Variants in MOV10 observed in about 807,000 individuals in gnomAD.
MOV10 encodes the protein RNA helicase MOV-10.
MOV10 carries 39 observed loss-of-function variants against 108.4 expected under a neutral mutation model. The ratio of observed to expected loss-of-function variants is 0.36; its 90% CI spans 0.28 to 0.47. The LOEUF is 0.47. MOV10 is among the 20% of genes least tolerant of loss of function. The pLI is 1.00. For missense variants in MOV10, 952 were observed against 1,297.6 expected, an observed-to-expected ratio of 0.73 and a Z score of 4.09; for synonymous variants, 490 against 523.1, an observed-to-expected ratio of 0.94 and a Z score of 0.86.
At chr1:112,681,883 A>C (rs1357505598) in intron 2 of MOV10, among the ~76,000 whole-genome samples, 2 of 152,020 alleles carry the variant, frequency 1.3e-5, no homozygotes, top group Non-Finnish European at 2.9e-5. Flanking sequence ...CTAGAAATAA[A>C]AAAAAATTGT....
chr1:112,688,361 G>T, intron 2 of MOV10: 1 of 990,290 alleles, frequency 1.0e-6, no homozygotes, highest in Non-Finnish European at 1.2e-6. Flanking sequence ...TCTGGAGAAG[G>T]ATCCTTTCCC....
At chr1:112,691,618 G>T in intron 5 of MOV10, 47 bp from the exon 6 acceptor site, 1 of 1,601,192 alleles carries the variant, frequency 6.2e-7, no homozygotes, top group Non-Finnish European at 8.5e-7. Flanking sequence ...TTCTCAGAGT[G>T]TTGGAGGGTG....
chr1:112,679,571 A>G lies in MOV10; in HGVS notation c.137+4522A>G, dbSNP rs532440384. Among the ~76,000 whole-genome samples the G allele has an allele frequency of 3.9e-5, 6 of 152,152 alleles. No individual in the cohort carries two copies. In the South Asian group the frequency reaches 1.2e-3, roughly 32 times the overall value. ...AAGATCAGATTTGTGTTTGATGACA[A>G]TTCTGCAGATATAGGGGGTGGCCTA... On this transcript the variant is annotated intron_variant, in intron 2 of 20. Coordinates refer to ENST00000369645, the MANE Select transcript of MOV10 (RefSeq NM_001321324.2).
chr1:112,688,111 C>T (rs1321939661), intron 2 of MOV10, among the ~76,000 whole-genome samples: 1 of 152,058 alleles, frequency 6.6e-6, no homozygotes, highest in African/African-American at 2.4e-5. Flanking sequence ...ATGAGCTGCC[C>T]TCCAAGCACC....
chr1:112,682,749 T>G (rs1672761420), intron 2 of MOV10, among the ~76,000 whole-genome samples: 1 of 152,200 alleles, frequency 6.6e-6, no homozygotes, highest in Non-Finnish European at 1.5e-5. Flanking sequence ...TAAGGCAACT[T>G]TCACTTAGCG....
rs1360706931 is a variant in MOV10, at chr1:112,696,258, A to G, written c.1883+7A>G. The stretch of plus-strand genomic sequence containing the variant: ...CCCTCATCACTGCCGGCAGGTGGGG[A>G]GTGTGTGTGGGTGTGTCTCTGAATC... On this transcript the variant is annotated splice_region_variant and intron_variant, in intron 12 of 20. Coordinates refer to ENST00000369645, the MANE Select transcript of MOV10 (RefSeq NM_001321324.2). The G allele has an allele frequency of 6.3e-7, 1 of 1,589,772 alleles. No homozygotes were observed. The highest frequency in any genetic ancestry group is 8.6e-7 in the Non-Finnish European group (1 of 1,158,430).
rs754611538 is a variant in MOV10, at chr1:112,700,615, G to T, written c.*108G>T. ...TCCAAGGGACAGGAAGGCTGGGGGAGGGAGTTTACAACCCAAGCCATTCCA... is the reference window on the plus strand; with the variant it reads ...TCCAAGGGACAGGAAGGCTGGGGGATGGAGTTTACAACCCAAGCCATTCCA... On this transcript the variant is annotated 3_prime_UTR_variant, in exon 21 of 21. Transcript: ENST00000369645. The T allele has an allele frequency of 1.9e-6, 3 of 1,553,142 alleles. No individual in the cohort carries two copies. Among genetic ancestry groups the T allele is most frequent in the African/African-American group, 1.4e-5 (1 of 73,212 alleles).
chr1:112,678,600 A>G (rs1428167320), intron 2 of MOV10, among the ~76,000 whole-genome samples: 1 of 152,016 alleles, frequency 6.6e-6, no homozygotes, highest in Non-Finnish European at 1.5e-5. Context: ...GGAAAGTGAT[A>G]TTTGAGTAGA....
chr1:112,680,707 C>CTTT (rs1258934658), intron 2 of MOV10, among the ~76,000 whole-genome samples: 2 of 107,140 alleles, frequency 1.9e-5, no homozygotes, highest in Non-Finnish European at 3.6e-5. Flanking sequence ...TCATTTATCT[C>CTTT]TTTTTTTTTT....
Position 112,675,315 on chromosome 1 carries a change from G to GCCGGAAC in MOV10, c.137+271_137+277dup, listed in dbSNP as rs1672102175. Among the ~76,000 whole-genome samples, 1 of 152,070 alleles carries GCCGGAAC rather than the reference G, an allele frequency of 6.6e-6. No homozygotes were observed. Among genetic ancestry groups the GCCGGAAC allele is most frequent in the Non-Finnish European group, 1.5e-5 (1 of 67,982 alleles). On this transcript the variant is annotated intron_variant, in intron 2 of 20. Coordinates refer to ENST00000369645, the MANE Select transcript of MOV10 (RefSeq NM_001321324.2). This position sits in a 1 kb window ranked among gnomAD's most constrained non-coding sequence, Gnocchi z 4.7. ...TCCCGCGCTGCCCGCGCCCCCGGAG[G>GCCGGAAC]CCGGAACCCGGGGCCGGGAGCTGCG...
intron 2 of MOV10, among the ~76,000 whole-genome samples, chr1:112,681,418 C>A (rs1043384817): frequency 6.6e-6 from 1 of 152,020 alleles, no homozygotes; most frequent in African/African-American, 2.4e-5. Flanking sequence ...CACTTGAACC[C>A]GGGAGGCGGA....
At chr1:112,693,299 A>G (rs770425678) in intron 7 of MOV10, among the ~76,000 whole-genome samples, 3 of 152,214 alleles carry the variant, frequency 2.0e-5, no homozygotes, top group Admixed American at 6.5e-5. Context: ...TCTACACACA[A>G]TTGCAGGTGG....
At chr1:112,691,890 A>G (rs1673624055) in intron 6 of MOV10, 91 bp downstream of exon 6, 2 of 1,421,438 alleles carry the variant, frequency 1.4e-6, no homozygotes, top group East Asian at 2.3e-5. Context: ...TCAGCCTCCC[A>G]GGCTGTATTC....
intron 2 of MOV10, chr1:112,688,564 T>C: frequency 1.7e-6 from 2 of 1,143,756 alleles, no homozygotes; most frequent in Non-Finnish European, 2.2e-6. Flanking sequence ...TTCTTCTGGG[T>C]TGTTTGTATT....
At chr1:112,696,562 A>G in intron 13 of MOV10, 28 bp downstream of exon 13, 1 of 1,611,634 alleles carries the variant, frequency 6.2e-7, no homozygotes, top group Non-Finnish European at 8.5e-7. Context: ...GGCTGCAGGT[A>G]TACACCCTGT....
chr1:112,688,738 C>G (rs1431930970), intron 2 of MOV10, 197 bp from the exon 3 acceptor site: 3 of 1,435,872 alleles, frequency 2.1e-6, no homozygotes, highest in East Asian at 2.5e-5. Flanking sequence ...TTGGGAAGTC[C>G]CATTGCCTTC....
chr1:112,687,955 C>T (rs961003933), intron 2 of MOV10, among the ~76,000 whole-genome samples: 3 of 152,098 alleles, frequency 2.0e-5, no homozygotes, highest in South Asian at 2.1e-4. Flanking sequence ...GCTTACACTT[C>T]GCGCTCCCTC....
chr1:112,674,689 G>T lies in MOV10; in HGVS notation c.-106G>T, dbSNP rs3748655. ...CTTTAGGAAAGAGTTAATGCGAAGAGGGGGAGGGGATAGGACGAAGAAACC... is the reference window on the plus strand; with the variant it reads ...CTTTAGGAAAGAGTTAATGCGAAGATGGGGAGGGGATAGGACGAAGAAACC... On this transcript the variant is annotated 5_prime_UTR_variant, in exon 1 of 21. It adds an upstream start codon to the 5' untranslated region. Transcript: ENST00000369645. The T allele has an allele frequency of 1.2e-4, 56 of 471,710 alleles. No individual in the cohort carries two copies. The East Asian group carries it at 2.1e-3, about 18-fold the overall frequency. The allele number at this position is 471,710 out of a possible 1,614,324, so 29.2% of individuals were successfully genotyped here. A position where few individuals can be genotyped will look rare whatever the true frequency, so the allele number is the denominator to read the frequency against.
intron 2 of MOV10, among the ~76,000 whole-genome samples, chr1:112,683,778 T>C (rs1672850125): frequency 6.6e-6 from 1 of 152,198 alleles, no homozygotes; most frequent in African/African-American, 2.4e-5. Flanking sequence ...CCTTTCACTC[T>C]GTTGATGGGC....
Sources: allele counts gnomAD v4.1 joint callset (sites outside exome capture counted in the v4.1 genomes callset), GRCh38; gene constraint gnomAD v4.1.1; non-coding constraint Gnocchi (gnomAD v3.1); transcripts MANE v1.5; gene names NCBI Gene and HGNC (gene_info 2026-07-23, HGNC 2026-07-21).